HACE1: variants seen among roughly 807,000 people sequenced by gnomAD.
The protein encoded by HACE1 is HECT domain and ankyrin repeat containing E3 ubiquitin protein ligase 1.
A neutral mutation model predicts 118.4 loss-of-function variants in HACE1; 73 were observed. That is an observed-to-expected ratio of 0.62 (90% CI 0.51 to 0.75). The LOEUF is 0.75. HACE1 is among the 30% of genes least tolerant of loss of function. The pLI is 0.00. For synonymous variants in HACE1, 368 were observed against 374.8 expected (o/e 0.98, Z 0.21); for missense variants, 749 against 1,102.2 (o/e 0.68, Z 4.54).
chr6:104,839,506 C>T (rs1336130014), intron 5 of HACE1, among the ~76,000 whole-genome samples: 2 of 151,944 alleles, frequency 1.3e-5, no homozygotes, highest in Non-Finnish European at 2.9e-5. Flanking sequence ...TATAGGTTAG[C>T]CATGGGATGT....
chr6:104,798,953 A>T (rs566312667), intron 7 of HACE1, among the ~76,000 whole-genome samples: 1 of 152,316 alleles, frequency 6.6e-6, no homozygotes, highest in African/African-American at 2.4e-5. Context: ...CTTGTTCCAT[A>T]GCACCAAGCA....
chr6:104,742,899 C>G (rs1213687673), intron 22 of HACE1, among the ~76,000 whole-genome samples: 2 of 151,800 alleles, frequency 1.3e-5, no homozygotes, highest in African/African-American at 2.4e-5. Context: ...ATAGCAAAGA[C>G]TTGGAACCAA....
At chr6:104,832,987 A>T in intron 6 of HACE1, 55 bp downstream of exon 6, 1 of 1,521,796 alleles carries the variant, frequency 6.6e-7, no homozygotes, top group East Asian at 2.2e-5. Flanking sequence ...CTTTTCATGA[A>T]ATCAATTTTA....
intron 19 of HACE1, among the ~76,000 whole-genome samples, chr6:104,766,076 A>G (rs1420428715): frequency 1.3e-5 from 2 of 152,168 alleles, no homozygotes; most frequent in East Asian, 3.9e-4. Flanking sequence ...ATACCTCTGC[A>G]CCACAGAGCA....
At chr6:104,785,374 A>G (rs1173134198) in intron 11 of HACE1, 55 bp from the exon 12 acceptor site, 3 of 955,256 alleles carry the variant, frequency 3.1e-6, no homozygotes, top group Non-Finnish European at 4.9e-6. Flanking sequence ...AGGATTAAAA[A>G]AAAAAAAACA....
At chr6:104,730,476 A>G in intron 22 of HACE1, 60 bp from the exon 23 acceptor site, 1 of 872,576 alleles carries the variant, frequency 1.1e-6, no homozygotes, top group Non-Finnish European at 2.0e-6. Context: ...TGACAGATAA[A>G]TTTCAAGTTC....
chr6:104,791,112 A>C (rs1009355920), intron 11 of HACE1, among the ~76,000 whole-genome samples: 1 of 152,216 alleles, frequency 6.6e-6, no homozygotes, highest in Non-Finnish European at 1.5e-5. Context: ...CACACATCTA[A>C]CACACATATC....
In HACE1 at chr6:104,795,453, A is replaced by T. The variant is rs1783506658; in HGVS notation, c.923+126T>A. On this transcript the variant is annotated intron_variant, in intron 10 of 23. Coordinates refer to ENST00000262903, the MANE Select transcript of HACE1 (RefSeq NM_020771.4). The stretch of plus-strand genomic sequence containing the variant: ...CTGGTCCTTTCAAACAAAACAAACC[A>T]GAAGTCAGCAAATTTTTATAACATC... 8 of 715,854 alleles carry T rather than the reference A, an allele frequency of 1.1e-5. 1 individual carries two copies. Among genetic ancestry groups the T allele is most frequent in the South Asian group, 1.1e-4 (7 of 66,478 alleles). 44.3% of individuals were successfully genotyped at this position (715,854 alleles called of 1,614,324 possible).
chr6:104,738,467 G>A (rs1477786305), intron 22 of HACE1, among the ~76,000 whole-genome samples: 7 of 149,174 alleles, frequency 4.7e-5, no homozygotes, highest in Admixed American at 4.0e-4. Flanking sequence ...ACAGAGAAGT[G>A]CTTAAAGGAG....
Position 104,777,224 on chromosome 6 carries a change from T to C in HACE1, c.1660A>G (p.Ile554Val), listed in dbSNP as rs1781311762. The C allele has an allele frequency of 6.2e-7, 1 of 1,611,392 alleles. No individual in the cohort carries two copies. The highest frequency in any genetic ancestry group is 1.3e-5 in the African/African-American group (1 of 75,018). ...AGCATACCTCTGTGAACCAGCAGGA[T>C]ATCATTTTCATTCACTGGCCTGTGC... is the stretch of plus-strand genomic sequence containing the variant. ...MVHRPVNEND[I>V]LLVHRDSIFR... Residue 554 changes from isoleucine to valine, a missense_variant, in exon 15 of 24, where the codon ATC becomes GTC. By Grantham distance (29) the Ile-to-Val change is conservative. Coordinates refer to ENST00000262903, the MANE Select transcript of HACE1 (RefSeq NM_020771.4).
rs562616012 is a variant in HACE1, at chr6:104,851,080, T to A, written c.132-84A>T. The A allele has an allele frequency of 4.9e-5, 40 of 811,098 alleles. No individual in the cohort carries two copies. The South Asian group carries it at 5.0e-4, about 10-fold the overall frequency. 50.2% of individuals were successfully genotyped at this position (811,098 alleles called of 1,614,324 possible). On this transcript the variant is annotated intron_variant, in intron 2 of 23. Coordinates refer to ENST00000262903, the MANE Select transcript of HACE1 (RefSeq NM_020771.4). ...ATCAAGTTAACAACTCTTTAGCTGCTCTGTTTGTTTGTTTGTTTGTTGAGA... is the reference window on the plus strand; with the variant it reads ...ATCAAGTTAACAACTCTTTAGCTGCACTGTTTGTTTGTTTGTTTGTTGAGA...
intron 9 of HACE1, 149 bp from the exon 10 acceptor site, chr6:104,795,834 T>C: frequency 3.2e-6 from 2 of 618,280 alleles, no homozygotes; most frequent in South Asian, 2.0e-5. Context: ...AAAGCTAATA[T>C]AGAGATATGA....
At position 104,859,748 on chromosome 6, in the gene HACE1, G is replaced by A; in HGVS notation, c.-106C>T. 1.9e-6 allele frequency: 2 copies of A among 1,033,882 alleles called. No homozygotes were observed. Among genetic ancestry groups the A allele is most frequent in the Non-Finnish European group, 2.8e-6 (2 of 713,550 alleles). The allele number at this position is 1,033,882 out of a possible 1,614,324, so 64.0% of individuals were successfully genotyped here. ...GGCCCGTCCAGCAGGCGGAGACGCG[G>A]GCTTGCCCCGGCTAGAGCACTGAGC... is the stretch of plus-strand genomic sequence containing the variant. On this transcript the variant is annotated 5_prime_UTR_variant, in exon 1 of 24. Coordinates refer to ENST00000262903, the MANE Select transcript of HACE1 (RefSeq NM_020771.4).
chr6:104,752,443 A>G (rs987256285), intron 19 of HACE1, among the ~76,000 whole-genome samples: 2 of 152,044 alleles, frequency 1.3e-5, no homozygotes, highest in Non-Finnish European at 2.9e-5. Context: ...ATGTACTAAA[A>G]GTTTTCTGCC....
intron 17 of HACE1, among the ~76,000 whole-genome samples, chr6:104,773,152 A>G (rs957265057): frequency 1.3e-5 from 2 of 152,244 alleles, no homozygotes; most frequent in African/African-American, 4.8e-5. Context: ...TCACTAATTC[A>G]TATTACAAAT....
chr6:104,839,263 A>G (rs9499987), intron 5 of HACE1, among the ~76,000 whole-genome samples: 5,830 of 152,296 alleles, frequency 0.038, 370 homozygotes, highest in African/African-American at 0.14. Flanking sequence ...TCAAACCAGA[A>G]GTGAACCAAA....
intron 1 of HACE1, among the ~76,000 whole-genome samples, chr6:104,854,942 A>G (rs1384108859): frequency 1.3e-5 from 2 of 152,228 alleles, no homozygotes; most frequent in African/African-American, 4.8e-5. Flanking sequence ...AAAGTAAAAT[A>G]CTAATAAATC....
intron 20 of HACE1, among the ~76,000 whole-genome samples, chr6:104,746,135 T>C (rs1418490886): frequency 4.6e-5 from 7 of 152,240 alleles, no homozygotes; most frequent in Non-Finnish European, 1.0e-4. Context: ...TTCTCTATGT[T>C]AATATAATAA....
chr6:104,740,952 C>T (rs1168694807), intron 22 of HACE1, among the ~76,000 whole-genome samples: 1 of 129,358 alleles, frequency 7.7e-6, no homozygotes, highest in Non-Finnish European at 1.6e-5. Context: ...CATCAAAAAG[C>T]TTATCCACCA....
Sources: allele counts gnomAD v4.1 joint callset (sites outside exome capture counted in the v4.1 genomes callset), GRCh38; gene constraint gnomAD v4.1.1; transcripts MANE v1.5; gene names NCBI Gene and HGNC (gene_info 2026-07-23, HGNC 2026-07-21).